The following TTC5 variants were observed in gnomAD, a reference collection of about 807,000 sequenced individuals.
TTC5 encodes the protein tetratricopeptide repeat domain 5, also known as tetratricopeptide repeat protein 5.
Under a neutral mutation model 57.4 loss-of-function variants are expected in TTC5, and 46 were observed. The ratio of observed to expected loss-of-function variants is 0.80; its 90% CI spans 0.63 to 1.03. The LOEUF (loss-of-function observed/expected upper bound fraction) is 1.03. Ranked by LOEUF, TTC5 falls within the 50% of genes least tolerant of loss-of-function variation. TTC5 has a pLI of 0.00. For synonymous variants in TTC5, 190 were observed against 203.5 expected (o/e 0.93, Z 0.57); for missense variants, 504 against 528.1 (o/e 0.95, Z 0.45).
rs769306184 is a variant in TTC5 at position 20,301,928 on chromosome 14, T to C, written c.89A>G (p.Tyr30Cys). ...VDQLYSFRDCYFETHSVEDAG... is the reference protein window; with the variant it reads ...VDQLYSFRDCCFETHSVEDAG... The stretch of plus-strand genomic sequence containing the variant: ...ATCCTCAACACTATGTGTCTCGAAA[T>C]AGCAGTCTCGAAATGAGTAGAGCTG... The change falls in exon 2 of 10, where the codon TAT becomes TGT. Residue 30 changes from tyrosine (Y) to cysteine (C), a missense_variant. By Grantham distance (194) the Tyr-to-Cys change is radical. Coordinates refer to ENST00000258821, the MANE Select transcript of TTC5 (RefSeq NM_138376.3). 20 of 1,614,058 alleles carry C rather than the reference T, an allele frequency of 1.2e-5. No homozygotes were observed. Among genetic ancestry groups the C allele is most frequent in the Non-Finnish European group, 1.4e-5 (17 of 1,179,970 alleles).
At chr14:20,295,106 G>A (rs1882032480) in intron 8 of TTC5, 2 of 573,424 alleles carry the variant, frequency 3.5e-6, no homozygotes, top group African/African-American at 3.7e-5. Flanking sequence ...ATACAAAATG[G>A]GCAGTGACAG....
At chr14:20,300,479 C>CCCTCCT in intron 3 of TTC5, 128 bp downstream of exon 3, 1 of 787,116 alleles carries the variant, frequency 1.3e-6, no homozygotes, top group East Asian at 2.7e-5. Context: ...CTGACCTTTC[C>CCCTCCT]TCCCTCCTGA....
At chr14:20,296,849 C>A (rs1240231998) in intron 5 of TTC5, among the ~76,000 whole-genome samples, 1 of 152,082 alleles carries the variant, frequency 6.6e-6, no homozygotes, top group Non-Finnish European at 1.5e-5. Flanking sequence ...ACTGTCTCTA[C>A]TAAAAATACA....
chr14:20,300,143 G>GTATATATATA lies in TTC5; in HGVS notation c.396+454_396+463dup, dbSNP rs1555311668. 5.2e-4 allele frequency among the ~76,000 whole-genome samples: 14 copies of GTATATATATA among 27,138 alleles called. 1 individual carries two copies. Among genetic ancestry groups the GTATATATATA allele is most frequent in the East Asian group, 3.6e-3 (4 of 1,100 alleles). The allele number at this position is 27,138 out of a possible 152,430, so 17.8% of individuals were successfully genotyped here. ...GCATGAGTCACCACGTCTGGTCCAT[G>GTATATATATA]TATATATATATATTTTTTTTTTTTT... On this transcript the variant is annotated intron_variant, in intron 3 of 9. Coordinates refer to ENST00000258821, the MANE Select transcript of TTC5 (RefSeq NM_138376.3).
chr14:20,296,342 G>GTGTCTTATTTATTTGACCC (rs763565939), intron 6 of TTC5, 48 bp downstream of exon 6: 1 of 1,392,268 alleles, frequency 7.2e-7, no homozygotes, highest in East Asian at 2.3e-5. Flanking sequence ...TAAGACATAG[G>GTGTCTTATTTATTTGACCC]TGTCTTATTT....
At chr14:20,294,197 T>C (rs1038982708) in intron 8 of TTC5, 2 of 152,104 alleles carry the variant, frequency 1.3e-5, no homozygotes, top group African/African-American at 2.4e-5. Context: ...TTGGCAACTA[T>C]AGGCCATCCT....
Position 20,289,529 on chromosome 14 carries a change from T to G in TTC5, c.*98A>C. On this transcript the variant is annotated 3_prime_UTR_variant, in exon 10 of 10. Transcript: ENST00000258821. ...AAAGAGAAAGTCTTCATTTAAAACA[T>G]TCCTCCCATCCCTGCTGAATCACTG... 7.0e-7 allele frequency: 1 copy of G among 1,423,828 alleles called. No individual in the cohort carries two copies. The highest frequency in any genetic ancestry group is 1.4e-5 in the South Asian group (1 of 71,680). 88.2% of individuals were successfully genotyped at this position (1,423,828 alleles called of 1,614,324 possible). A position where few individuals can be genotyped will look rare whatever the true frequency, so the allele number is the denominator to read the frequency against.
Position 20,298,873 on chromosome 14 carries a change from G to A in TTC5, c.563C>T (p.Ser188Leu), listed in dbSNP as rs1455426150. Residue 188 changes from serine (S) to leucine (L), a missense_variant, in exon 5 of 10, where the codon TCA becomes TTA. Transcript: ENST00000258821. Reference protein sequence around the residue: ...DGRSWYILGNSYLSLYFSTGQ... With the variant: ...DGRSWYILGNLYLSLYFSTGQ... ...AGTAGAGAAGTAAAGGGAAAGATAT[G>A]AATTCCCAAGAATATCTGAAAGAGA... The A allele has an allele frequency of 4.3e-6, 7 of 1,611,100 alleles. No individual in the cohort carries two copies. In the African/African-American group the frequency reaches 9.4e-5, roughly 22 times the overall value.
intron 5 of TTC5, among the ~76,000 whole-genome samples, chr14:20,297,254 AT>A (rs934537304): frequency 6.6e-6 from 1 of 152,132 alleles, no homozygotes; most frequent in Non-Finnish European, 1.5e-5. Flanking sequence ...CAGGAAAAGA[AT>A]TTTTTTTAAA....
chr14:20,301,921 C>G lies in TTC5; in HGVS notation c.96G>C (p.Glu32Asp). 6.2e-7 allele frequency: 1 copy of G among 1,614,130 alleles called. No homozygotes were observed. The highest frequency in any genetic ancestry group is 8.5e-7 in the Non-Finnish European group (1 of 1,180,008). Reference sequence around the variant, plus strand: ...TCCCAGCATCCTCAACACTATGTGTCTCGAAATAGCAGTCTCGAAATGAGT... The same window carrying G: ...TCCCAGCATCCTCAACACTATGTGTGTCGAAATAGCAGTCTCGAAATGAGT... ...QLYSFRDCYF[E>D]THSVEDAGRK... is the part of the protein sequence containing the mutation. Residue 32 changes from glutamate (E) to aspartate (D), a missense_variant, in exon 2 of 10, where the codon GAG becomes GAC. By Grantham distance (45) the Glu-to-Asp change is conservative. Transcript: ENST00000258821.
chr14:20,294,297 G>A (rs1594263107), intron 8 of TTC5: 1 of 152,156 alleles, frequency 6.6e-6, no homozygotes. Flanking sequence ...ACCAAGGAGT[G>A]GCAAAATATC....
chr14:20,286,485 T>C lies in TTC5; in HGVS notation c.*3142A>G, dbSNP rs1430111707. 6.6e-6 allele frequency: 1 copy of C among 151,842 alleles called. No homozygotes were observed. Among genetic ancestry groups the C allele is most frequent in the Non-Finnish European group, 1.5e-5 (1 of 67,938 alleles). 9.4% of individuals were successfully genotyped at this position (151,842 alleles called of 1,614,324 possible). ...AGACAGACTGGGCTTTAAAGATCAG[T>C]AGGGAAAGGATTGATTCTTTAATAA... is the stretch of plus-strand genomic sequence containing the variant. On this transcript the variant is annotated 3_prime_UTR_variant, in exon 10 of 10. Transcript: ENST00000258821.
At chr14:20,294,246 C>G (rs886184729) in intron 8 of TTC5, 2 of 152,124 alleles carry the variant, frequency 1.3e-5, no homozygotes, top group African/African-American at 4.8e-5. Context: ...AAAATAGAGT[C>G]CTGGGAACCT....
At chr14:20,296,121 T>C (rs1393838876) in intron 6 of TTC5, among the ~76,000 whole-genome samples, 2 of 152,162 alleles carry the variant, frequency 1.3e-5, no homozygotes, top group East Asian at 3.8e-4. Flanking sequence ...CACTTGACCT[T>C]TATATTTACT....
chr14:20,294,416 T>C (rs1882019958), intron 8 of TTC5: 1 of 152,244 alleles, frequency 6.6e-6, no homozygotes, highest in Non-Finnish European at 1.5e-5. Flanking sequence ...ACTATCTTTT[T>C]GCCCTTCAAC....
intron 1 of TTC5, chr14:20,305,370 G>T (rs1882268977): frequency 6.5e-6 from 1 of 152,780 alleles, no homozygotes; most frequent in African/African-American, 2.4e-5. Flanking sequence ...GGACTATGTG[G>T]AGTCTGGACC....
At chr14:20,299,250 A>C in intron 4 of TTC5, 48 bp downstream of exon 4, 1 of 1,593,192 alleles carries the variant, frequency 6.3e-7, no homozygotes, top group Non-Finnish European at 8.6e-7. Flanking sequence ...GCTCTGATTG[A>C]AAACATCTGC....
intron 3 of TTC5, 195 bp downstream of exon 3, chr14:20,300,412 A>C (rs1004169312): frequency 1.8e-6 from 1 of 569,648 alleles, no homozygotes; most frequent in Admixed American, 3.4e-5. Context: ...ACCTGATCCC[A>C]TCATCATCTT....
At chr14:20,289,850 G>A in intron 9 of TTC5, 104 bp from the exon 10 acceptor site, 2 of 1,223,818 alleles carry the variant, frequency 1.6e-6, no homozygotes, top group Non-Finnish European at 2.2e-6. Flanking sequence ...CTCCCCTGTT[G>A]TATACCCCCT....
Sources: gnomAD v4.1 joint callset for allele counts (sites outside exome capture counted in the v4.1 genomes callset) on GRCh38, gnomAD v4.1.1 for gene constraint, MANE v1.5 for transcripts, NCBI Gene and HGNC (gene_info 2026-07-23, HGNC 2026-07-21) for gene names.